Variants in EPHA3 observed in about 807,000 individuals in gnomAD.
EPHA3 encodes the protein ephrin type-A receptor 3.
EPHA3 carries 42 observed loss-of-function variants against 107.1 expected under a neutral mutation model. The ratio of observed to expected loss-of-function variants is 0.39; its 90% CI spans 0.31 to 0.51. The LOEUF (loss-of-function observed/expected upper bound fraction) is 0.51, where lower values mean the gene tolerates loss of function less well. Ranked by LOEUF, EPHA3 falls within the 20% of genes least tolerant of loss-of-function variation. The pLI is 0.78. For synonymous variants in EPHA3, 461 were observed against 424.8 expected, an observed-to-expected ratio of 1.09 and a Z score of -1.05; for missense variants, 1,183 against 1,211.2, an observed-to-expected ratio of 0.98 and a Z score of 0.35.
chr3:89,160,957 A>G (rs954075725), intron 2 of EPHA3, among the ~76,000 whole-genome samples: 2 of 152,102 alleles, frequency 1.3e-5, no homozygotes, highest in Non-Finnish European at 1.5e-5. Flanking sequence ...GTGTGTAAAT[A>G]TTTACCCTAA....
At chr3:89,344,869 G>A (rs558773817) in intron 5 of EPHA3, among the ~76,000 whole-genome samples, 4 of 151,790 alleles carry the variant, frequency 2.6e-5, no homozygotes, top group Admixed American at 6.6e-5. Context: ...TGTAAATTCG[G>A]ATATTAGTTC....
chr3:89,439,723 G>GCA (rs59868005), intron 13 of EPHA3, among the ~76,000 whole-genome samples: 16,411 of 133,142 alleles, frequency 0.12, 1,051 homozygotes, highest in East Asian at 0.26. Context: ...TCATATTAAG[G>GCA]CACACACACA....
At chr3:89,469,333 T>C (rs1364788934) in intron 15 of EPHA3, among the ~76,000 whole-genome samples, 1 of 152,186 alleles carries the variant, frequency 6.6e-6, no homozygotes, top group African/African-American at 2.4e-5. Context: ...TCAGAACCAA[T>C]GTTGCAATTT....
chr3:89,189,370 G>A (rs564546839), intron 2 of EPHA3, among the ~76,000 whole-genome samples: 1 of 152,132 alleles, frequency 6.6e-6, no homozygotes, highest in Non-Finnish European at 1.5e-5. Flanking sequence ...CAAGGCAGGG[G>A]GATCACGAGG....
chr3:89,148,461 G>A (rs1704616827), intron 2 of EPHA3, among the ~76,000 whole-genome samples: 1 of 151,900 alleles, frequency 6.6e-6, no homozygotes, highest in Non-Finnish European at 1.5e-5. Context: ...AATAAATTAA[G>A]ATTTTATGAC....
intron 3 of EPHA3, among the ~76,000 whole-genome samples, chr3:89,270,378 C>A (rs1705640267): frequency 6.6e-6 from 1 of 152,084 alleles, no homozygotes; most frequent in South Asian, 2.1e-4. Context: ...CTTCCACGCA[C>A]TGTCTACTCA....
At chr3:89,188,347 G>T (rs1487511721) in intron 2 of EPHA3, among the ~76,000 whole-genome samples, 1 of 152,090 alleles carries the variant, frequency 6.6e-6, no homozygotes, top group Non-Finnish European at 1.5e-5. Context: ...AGAAGTATTT[G>T]GGAGTGCTTA....
intron 3 of EPHA3, among the ~76,000 whole-genome samples, chr3:89,263,769 A>G (rs1219070013): frequency 6.6e-6 from 1 of 152,106 alleles, no homozygotes; most frequent in Non-Finnish European, 1.5e-5. Flanking sequence ...GCATTCAAGC[A>G]GGAAAACAGG....
intron 13 of EPHA3, among the ~76,000 whole-genome samples, chr3:89,442,315 G>C (rs1441892002): frequency 6.6e-6 from 1 of 151,908 alleles, no homozygotes; most frequent in Non-Finnish European, 1.5e-5. Flanking sequence ...CTGTGACAGG[G>C]GTATAAAATA....
intron 15 of EPHA3, among the ~76,000 whole-genome samples, chr3:89,451,635 A>T (rs1331540870): frequency 6.6e-6 from 1 of 152,128 alleles, no homozygotes; most frequent in African/African-American, 2.4e-5. Flanking sequence ...TTGTGAGTTC[A>T]ATAGTATCTT....
At chr3:89,195,031 T>C (rs541102339) in intron 2 of EPHA3, among the ~76,000 whole-genome samples, 4 of 152,216 alleles carry the variant, frequency 2.6e-5, no homozygotes, top group Non-Finnish European at 5.9e-5. Flanking sequence ...TCATTTTTCT[T>C]GTATTTTTTT....
At chr3:89,437,779 T>G (rs533735138) in intron 13 of EPHA3, among the ~76,000 whole-genome samples, 16 of 152,302 alleles carry the variant, frequency 1.1e-4, no homozygotes, top group Non-Finnish European at 1.9e-4. Context: ...CAGACTTTTA[T>G]CTTATTTAGA....
chr3:89,435,055 A>G (rs570250606), intron 13 of EPHA3, among the ~76,000 whole-genome samples: 1 of 152,056 alleles, frequency 6.6e-6, no homozygotes, highest in Admixed American at 6.5e-5. Flanking sequence ...AATATGAGGT[A>G]TGGTTATGAA....
chr3:89,264,719 C>T (rs1299671568), intron 3 of EPHA3, among the ~76,000 whole-genome samples: 2 of 152,030 alleles, frequency 1.3e-5, no homozygotes, highest in Non-Finnish European at 2.9e-5. Flanking sequence ...TCTATGCTTG[C>T]CACATCCTAG....
chr3:89,359,872 C>T (rs1279725903), intron 5 of EPHA3, among the ~76,000 whole-genome samples: 2 of 137,746 alleles, frequency 1.5e-5, no homozygotes, highest in Non-Finnish European at 3.2e-5. Context: ...GTTGCAGTGG[C>T]CTGAGGGAAT....
chr3:89,273,014 T>G (rs1705716305), intron 3 of EPHA3, among the ~76,000 whole-genome samples: 1 of 151,946 alleles, frequency 6.6e-6, no homozygotes, highest in South Asian at 2.1e-4. Context: ...TTAAAGGAAG[T>G]GAATATTTTT....
chr3:89,341,937 C>T lies in EPHA3; in HGVS notation c.1153C>T (p.Arg385Ter), dbSNP rs761696838. The change falls in exon 5 of 17, where the codon CGA (arginine) becomes TGA (stop). Residue 385 changes from arginine (R) to a stop codon, truncating the protein, a stop_gained. Coordinates refer to ENST00000336596, the MANE Select transcript of EPHA3 (RefSeq NM_005233.6). LOFTEE classifies it high-confidence loss of function. The stretch of plus-strand genomic sequence containing the variant: ...CAGCCCAAATGTCCGCTTCCTCCCT[C>T]GACAGTTTGGACTCACCAACACCAC... ...PCSPNVRFLP[R>*]QFGLTNTTVT... is the part of the protein sequence containing the mutation. 1.2e-6 allele frequency: 2 copies of T among 1,613,488 alleles called. No homozygotes were observed. Among genetic ancestry groups the T allele is most frequent in the Non-Finnish European group, 8.5e-7 (1 of 1,179,930 alleles).
At chr3:89,237,620 T>G (rs1417383347) in intron 3 of EPHA3, among the ~76,000 whole-genome samples, 1 of 152,078 alleles carries the variant, frequency 6.6e-6, no homozygotes, top group Non-Finnish European at 1.5e-5. Flanking sequence ...AAGAATAACT[T>G]TTATCTGTTT....
chr3:89,124,109 C>T (rs1704032757), intron 1 of EPHA3, among the ~76,000 whole-genome samples: 1 of 152,194 alleles, frequency 6.6e-6, no homozygotes, highest in South Asian at 2.1e-4. Context: ...AAATTCAGTC[C>T]ACAGTAGTAT....
Sources: gnomAD v4.1 joint callset for allele counts (sites outside exome capture counted in the v4.1 genomes callset) on GRCh38, gnomAD v4.1.1 for gene constraint, MANE v1.5 for transcripts, NCBI Gene and HGNC (gene_info 2026-07-23, HGNC 2026-07-21) for gene names.